Variants in PSMA8 observed in about 807,000 individuals in gnomAD.
PSMA8 encodes the protein proteasome 20S subunit alpha 8, also known as proteasome subunit alpha-type 8.
Under a neutral mutation model 32.4 loss-of-function variants are expected in PSMA8, and 18 were observed. The ratio of observed to expected loss-of-function variants is 0.56; its 90% CI spans 0.38 to 0.82. The LOEUF is 0.82. Ranked by LOEUF, PSMA8 falls within the 40% of genes least tolerant of loss-of-function variation. PSMA8 has a pLI of 0.00. For synonymous variants in PSMA8, 104 were observed against 98.1 expected (o/e 1.06, Z -0.36); for missense variants, 298 against 300.7 (o/e 0.99, Z 0.07).
chr18:26,171,240 C>A, intron 4 of PSMA8: 2 of 1,555,264 alleles, frequency 1.3e-6, no homozygotes, highest in Non-Finnish European at 8.5e-7. Context: ...CTTGCCGATG[C>A]CCATGTTCTG....
chr18:26,144,437 C>G (rs757045459), intron 1 of PSMA8, 122 bp from the exon 2 acceptor site: 1 of 786,206 alleles, frequency 1.3e-6, no homozygotes, highest in East Asian at 2.7e-5. Context: ...TAGAAAGTTA[C>G]TTTTCTTGTT....
intron 1 of PSMA8, among the ~76,000 whole-genome samples, chr18:26,139,629 T>C (rs1168765857): frequency 6.6e-6 from 1 of 152,228 alleles, no homozygotes; most frequent in Non-Finnish European, 1.5e-5. Context: ...TACTCTTGAG[T>C]ACCCTTCTGT....
intron 4 of PSMA8, among the ~76,000 whole-genome samples, chr18:26,162,371 ATT>A (rs200403487): frequency 7.0e-6 from 1 of 142,956 alleles, no homozygotes; most frequent in Admixed American, 7.0e-5. Flanking sequence ...CTATGAGTTC[ATT>A]TTTTTTTTTT....
At chr18:26,151,409 A>C (rs1171021639) in intron 2 of PSMA8, among the ~76,000 whole-genome samples, 1 of 152,204 alleles carries the variant, frequency 6.6e-6, no homozygotes, top group African/African-American at 2.4e-5. Context: ...GTTGAGAATT[A>C]ATCACATGAT....
chr18:26,169,103 T>C (rs2055201892), intron 4 of PSMA8, among the ~76,000 whole-genome samples: 1 of 132,392 alleles, frequency 7.6e-6, no homozygotes, highest in Non-Finnish European at 1.5e-5. Flanking sequence ...CATCTCAGCT[T>C]CCTGAGTAGA....
chr18:26,164,879 G>A (rs2144319103), intron 4 of PSMA8, among the ~76,000 whole-genome samples: 1 of 152,024 alleles, frequency 6.6e-6, no homozygotes, highest in Non-Finnish European at 1.5e-5. Flanking sequence ...TTGTTGAGGG[G>A]GGAGGGTTGT....
rs755224984 is a variant in PSMA8, at chr18:26,183,221, G to A, written c.660+4091G>A. The stretch of plus-strand genomic sequence containing the variant: ...AGCCTGATCAATATGGTGAAACCCT[G>A]TCTCTACTGAAAATACAAAAATTAG... On this transcript the variant is annotated intron_variant, in intron 6 of 6. Coordinates refer to ENST00000415576, the MANE Select transcript of PSMA8 (RefSeq NM_001025096.2). Among the ~76,000 whole-genome samples the A allele has an allele frequency of 4.2e-4, 63 of 149,480 alleles. 3 individuals are homozygous for A. The highest frequency in any genetic ancestry group is 7.6e-4 in the Non-Finnish European group (51 of 67,450).
chr18:26,136,225 C>G (rs551057210), intron 1 of PSMA8, among the ~76,000 whole-genome samples: 1 of 152,146 alleles, frequency 6.6e-6, no homozygotes, highest in African/African-American at 2.4e-5. Flanking sequence ...TCTGTAAATG[C>G]AAATTTGTTT....
At chr18:26,173,562 T>TC (rs926320188) in intron 4 of PSMA8, among the ~76,000 whole-genome samples, 2 of 151,544 alleles carry the variant, frequency 1.3e-5, no homozygotes, top group African/African-American at 4.8e-5. Context: ...TTGTCTACTT[T>TC]TTTTTTTTTT....
At chr18:26,134,933 A>T (rs2054899720) in intron 1 of PSMA8, among the ~76,000 whole-genome samples, 1 of 151,802 alleles carries the variant, frequency 6.6e-6, no homozygotes, top group South Asian at 2.1e-4. Context: ...CAGCCTGGGC[A>T]ACAAAAGCGA....
intron 4 of PSMA8, among the ~76,000 whole-genome samples, chr18:26,165,829 C>T (rs12962920): frequency 0.052 from 7,918 of 152,198 alleles, 225 homozygotes; most frequent in East Asian, 0.12. Context: ...GGCGTGGTGG[C>T]TCACACCTGT....
intron 4 of PSMA8, among the ~76,000 whole-genome samples, chr18:26,159,794 G>A: frequency 6.6e-6 from 1 of 151,874 alleles, no homozygotes; most frequent in Non-Finnish European, 1.5e-5. Context: ...TGGGACAGGA[G>A]GATATAAGCA....
chr18:26,185,420 A>G (rs1297292081), intron 6 of PSMA8, among the ~76,000 whole-genome samples: 2 of 150,630 alleles, frequency 1.3e-5, no homozygotes, highest in Non-Finnish European at 3.0e-5. Flanking sequence ...GCTTCATCCT[A>G]AAGTTAGTGT....
intron 3 of PSMA8, among the ~76,000 whole-genome samples, chr18:26,152,608 A>G (rs1413241562): frequency 6.6e-6 from 1 of 152,052 alleles, no homozygotes; most frequent in Non-Finnish European, 1.5e-5. Flanking sequence ...TATAGGCATG[A>G]GCCACGGTGC....
chr18:26,187,201 C>T (rs1287133814), intron 6 of PSMA8, among the ~76,000 whole-genome samples: 1 of 152,068 alleles, frequency 6.6e-6, no homozygotes, highest in Non-Finnish European at 1.5e-5. Flanking sequence ...AAAAAATTAG[C>T]CGGGTGTGAT....
chr18:26,174,572 T>C (rs1291971577), intron 4 of PSMA8, among the ~76,000 whole-genome samples: 1 of 152,222 alleles, frequency 6.6e-6, no homozygotes, highest in Non-Finnish European at 1.5e-5. Context: ...AGCTATTCTA[T>C]ACTATTTTAA....
At chr18:26,151,827 G>T in intron 2 of PSMA8, 31 bp from the exon 3 acceptor site, 1 of 1,566,420 alleles carries the variant, frequency 6.4e-7, no homozygotes, top group Non-Finnish European at 8.6e-7. Context: ...ATGTTTTTGT[G>T]GTTTTTGTGA....
intron 1 of PSMA8, among the ~76,000 whole-genome samples, chr18:26,136,913 T>A (rs2054915871): frequency 6.6e-6 from 1 of 152,204 alleles, no homozygotes; most frequent in Non-Finnish European, 1.5e-5. Context: ...TTATTATGTG[T>A]GAAACTGTGA....
chr18:26,163,022 G>A (rs2055147627), intron 4 of PSMA8, among the ~76,000 whole-genome samples: 1 of 151,288 alleles, frequency 6.6e-6, no homozygotes, highest in Admixed American at 6.6e-5. Flanking sequence ...TATATAAACA[G>A]CCCATCATTT....
Sources: gnomAD v4.1 joint callset for allele counts (sites outside exome capture counted in the v4.1 genomes callset) on GRCh38, gnomAD v4.1.1 for gene constraint, MANE v1.5 for transcripts, NCBI Gene and HGNC (gene_info 2026-07-23, HGNC 2026-07-21) for gene names.